NEDD4L: variants seen among roughly 807,000 people sequenced by gnomAD.
The protein encoded by NEDD4L is E3 ubiquitin-protein ligase NEDD4-like.
NEDD4L carries 54 observed loss-of-function variants against 148.9 expected under a neutral mutation model. That is an observed-to-expected ratio of 0.36 (90% CI 0.29 to 0.45). The LOEUF (loss-of-function observed/expected upper bound fraction) is 0.45. Ranked by LOEUF, NEDD4L falls within the 20% of genes least tolerant of loss-of-function variation. The pLI is 1.00. For missense variants in NEDD4L, 856 were observed against 1,233.8 expected, an observed-to-expected ratio of 0.69 and a Z score of 4.59; for synonymous variants, 433 against 440.7, an observed-to-expected ratio of 0.98 and a Z score of 0.22.
At chr18:58,316,083 ATTGT>A (rs1336255593) in intron 6 of NEDD4L, 51 bp downstream of exon 6, 3 of 1,450,006 alleles carry the variant, frequency 2.1e-6, no homozygotes, top group Admixed American at 1.7e-5. Context: ...GGGGTTTCTA[ATTGT>A]TTGTAGTCAG....
chr18:58,087,078 A>G lies in NEDD4L; in HGVS notation c.48+42370A>G, dbSNP rs976768410. ...GAGACTGCTGAAGGACAACACCCTT[A>G]CTTCTTAGGGCCTTTGGTTTGCCAG... On this transcript the variant is annotated intron_variant, in intron 1 of 30. Transcript: ENST00000400345. Among the ~76,000 whole-genome samples the G allele has an allele frequency of 3.3e-5, 5 of 152,198 alleles. No homozygotes were observed. The East Asian group carries it at 5.8e-4, about 18-fold the overall frequency.
chr18:58,214,110 C>A (rs2042886825), intron 2 of NEDD4L, among the ~76,000 whole-genome samples: 1 of 152,180 alleles, frequency 6.6e-6, no homozygotes, highest in Non-Finnish European at 1.5e-5. Context: ...ACATGAAGTG[C>A]AAGGTAGCAG....
At chr18:58,198,310 C>T (rs1237634528) in intron 2 of NEDD4L, among the ~76,000 whole-genome samples, 1 of 152,174 alleles carries the variant, frequency 6.6e-6, no homozygotes, top group African/African-American at 2.4e-5. Context: ...CCCTTGAGAA[C>T]TGGGGATTAT....
rs1231474272 is a variant in NEDD4L, at chr18:58,117,262, C to G, written c.49-48526C>G. Among the ~76,000 whole-genome samples, 6 of 152,288 alleles carry G rather than the reference C, an allele frequency of 3.9e-5. No individual in the cohort carries two copies. In the South Asian group the frequency reaches 1.2e-3, roughly 32 times the overall value. ...ACCTCCAGGCCCAGTTGCCTTGGAG[C>G]AGGAAAAACAGTTCATCCTCATTAC... On this transcript the variant is annotated intron_variant, in intron 1 of 30. Transcript: ENST00000400345.
intron 2 of NEDD4L, among the ~76,000 whole-genome samples, chr18:58,178,689 G>A (rs1208399189): frequency 6.6e-6 from 1 of 152,214 alleles, no homozygotes; most frequent in East Asian, 1.9e-4. Flanking sequence ...TAGAAAATAT[G>A]CCTGGATTCT....
At chr18:58,127,307 C>T (rs927897878) in intron 1 of NEDD4L, among the ~76,000 whole-genome samples, 2 of 152,340 alleles carry the variant, frequency 1.3e-5, no homozygotes, top group East Asian at 1.9e-4. Flanking sequence ...TGGACGTCCC[C>T]GTCATCACAG....
At chr18:58,098,104 C>G (rs1024992435) in intron 1 of NEDD4L, among the ~76,000 whole-genome samples, 1 of 152,116 alleles carries the variant, frequency 6.6e-6, no homozygotes, top group Non-Finnish European at 1.5e-5. Flanking sequence ...ATCCAGATGA[C>G]TGTTAGAATA....
chr18:58,338,735 G>A (rs1472027589), intron 13 of NEDD4L, among the ~76,000 whole-genome samples: 1 of 152,158 alleles, frequency 6.6e-6, no homozygotes, highest in African/African-American at 2.4e-5. Flanking sequence ...GACCAACGTG[G>A]TGAAACCCTG....
chr18:58,298,063 T>G (rs1210855614), intron 5 of NEDD4L, among the ~76,000 whole-genome samples: 3 of 152,198 alleles, frequency 2.0e-5, no homozygotes, highest in Non-Finnish European at 4.4e-5. Flanking sequence ...TTAACAAGTA[T>G]GATTACCGTC....
chr18:58,389,349 A>AG lies in NEDD4L; in HGVS notation c.2655+158dup, dbSNP rs2049479869. On this transcript the variant is annotated intron_variant, in intron 28 of 30. Transcript: ENST00000400345. ...GGGGAGGGAAGAGGCAAACTGAGCC[A>AG]GCAGCCCCGTGGTGGCTCCTCTGTA... The AG allele has an allele frequency of 5.3e-6, 3 of 571,390 alleles. No individual in the cohort carries two copies. In the South Asian group the frequency reaches 7.3e-5, roughly 14 times the overall value. 35.4% of individuals were successfully genotyped at this position (571,390 alleles called of 1,614,324 possible). A position where few individuals can be genotyped will look rare whatever the true frequency, so the allele number is the denominator to read the frequency against.
At chr18:58,144,542 A>G (rs1189942691) in intron 1 of NEDD4L, among the ~76,000 whole-genome samples, 2 of 152,160 alleles carry the variant, frequency 1.3e-5, no homozygotes, top group Non-Finnish European at 2.9e-5. Flanking sequence ...ACTATGTCGT[A>G]GCCTTAAGGG....
intron 2 of NEDD4L, among the ~76,000 whole-genome samples, chr18:58,173,361 A>T (rs1245502443): frequency 6.6e-6 from 1 of 152,236 alleles, no homozygotes; most frequent in Non-Finnish European, 1.5e-5. Flanking sequence ...AGGTTGCAAG[A>T]CATTCATTCA....
At chr18:58,357,400 A>G in intron 19 of NEDD4L, 148 bp downstream of exon 19, 2 of 789,842 alleles carry the variant, frequency 2.5e-6, no homozygotes, top group Admixed American at 1.8e-5. Flanking sequence ...CCATCTCCTT[A>G]CTGAAGTTTC....
At chr18:58,095,634 C>G (rs947119657) in intron 1 of NEDD4L, among the ~76,000 whole-genome samples, 1 of 152,200 alleles carries the variant, frequency 6.6e-6, no homozygotes, top group Non-Finnish European at 1.5e-5. Flanking sequence ...GGGCATTGAT[C>G]GACACTGTGG....
At chr18:58,259,714 G>C (rs1395427029) in intron 5 of NEDD4L, among the ~76,000 whole-genome samples, 1 of 152,240 alleles carries the variant, frequency 6.6e-6, no homozygotes, top group East Asian at 1.9e-4. Context: ...TGTAAACGGA[G>C]GGAGGAGGGC....
intron 24 of NEDD4L, among the ~76,000 whole-genome samples, chr18:58,381,080 TG>T (rs2048279125): frequency 6.6e-6 from 1 of 152,230 alleles, no homozygotes; most frequent in South Asian, 2.1e-4. Context: ...AGCATACAAA[TG>T]TATAATCTGG....
intron 1 of NEDD4L, among the ~76,000 whole-genome samples, chr18:58,069,635 G>A (rs1199188021): frequency 3.3e-5 from 5 of 152,198 alleles, no homozygotes; most frequent in African/African-American, 9.7e-5. Context: ...CTGATACTGA[G>A]TTTAAAATAA....
In NEDD4L at chr18:58,079,258, C is replaced by T. The variant is rs770141778; in HGVS notation, c.48+34550C>T. Among the ~76,000 whole-genome samples, 5 of 152,118 alleles carry T rather than the reference C, an allele frequency of 3.3e-5. No individual in the cohort carries two copies. The East Asian group carries it at 7.7e-4, about 23-fold the overall frequency. On this transcript the variant is annotated intron_variant, in intron 1 of 30. Transcript: ENST00000400345. ...TTTCATATCTAAAATGAAAGAGGTG[C>T]TTGGATATTCCTAAGGGTTCATCTT...
At chr18:58,185,744 A>G (rs930353492) in intron 2 of NEDD4L, among the ~76,000 whole-genome samples, 3 of 152,064 alleles carry the variant, frequency 2.0e-5, no homozygotes, top group African/African-American at 7.2e-5. Context: ...GTGGTGGTGC[A>G]TGCCTGTAAT....
Sources: gnomAD v4.1 joint callset for allele counts (sites outside exome capture counted in the v4.1 genomes callset) on GRCh38, gnomAD v4.1.1 for gene constraint, MANE v1.5 for transcripts, NCBI Gene and HGNC (gene_info 2026-07-23, HGNC 2026-07-21) for gene names.